The following CMIP variants were observed in gnomAD, a reference collection of about 807,000 sequenced individuals.
CMIP encodes C-Maf-inducing protein.
A neutral mutation model predicts 97.3 loss-of-function variants in CMIP; 13 were observed. The observed-to-expected ratio is 0.13, with a 90% CI of 0.09 to 0.21. The LOEUF is 0.21. CMIP is among the 10% of genes least tolerant of loss of function. The pLI is 1.00. For missense variants in CMIP, 847 were observed against 1,024.9 expected (o/e 0.83, Z 2.37); for synonymous variants, 538 against 436.3 (o/e 1.23, Z -2.91).
At chr16:81,620,306 G>C (rs770895125) in intron 2 of CMIP, 1 of 152,874 alleles carries the variant, frequency 6.5e-6, no homozygotes, top group Non-Finnish European at 1.5e-5. Context: ...AGAAGGTCAT[G>C]GTTAAATGCC....
At chr16:81,545,786 C>T (rs764241117) in intron 1 of CMIP, among the ~76,000 whole-genome samples, 17 of 152,250 alleles carry the variant, frequency 1.1e-4, no homozygotes, top group Non-Finnish European at 1.5e-4. Context: ...GCCTTCCTGC[C>T]GGCCCTCCCG....
At chr16:81,634,219 A>T (rs1187979931) in intron 3 of CMIP, among the ~76,000 whole-genome samples, 3 of 152,272 alleles carry the variant, frequency 2.0e-5, no homozygotes, top group Non-Finnish European at 2.9e-5. Flanking sequence ...GAAAGGGGAA[A>T]GAACAATAAA....
chr16:81,495,494 G>A, intron 1 of CMIP: 1 of 1,613,116 alleles, frequency 6.2e-7, no homozygotes, highest in Middle Eastern at 1.7e-4. Context: ...AGGCTGCTGA[G>A]GTACAGTCCC....
At chr16:81,630,148 C>T (rs189079037) in intron 3 of CMIP, 4 of 152,256 alleles carry the variant, frequency 2.6e-5, no homozygotes, top group African/African-American at 7.2e-5. Flanking sequence ...ACCAAGCTCA[C>T]CAGTTTCTTA....
chr16:81,523,244 TGCA>T (rs1407251396), intron 1 of CMIP, among the ~76,000 whole-genome samples: 1 of 152,252 alleles, frequency 6.6e-6, no homozygotes, highest in African/African-American at 2.4e-5. Context: ...AAAGTTCCCT[TGCA>T]GCTTGCCTTT....
At chr16:81,536,614 GTGGACACCTGGTTCA>G (rs1436417349) in intron 1 of CMIP, among the ~76,000 whole-genome samples, 1 of 152,128 alleles carries the variant, frequency 6.6e-6, no homozygotes, top group Non-Finnish European at 1.5e-5. Context: ...GCTACCTCAG[GTGGACACCTGGTTCA>G]TGACCTTTGA....
chr16:81,667,787 AGAGAGAGAGAGAGTGTGT>A (rs1287218035), intron 7 of CMIP, among the ~76,000 whole-genome samples: 631 of 125,690 alleles, frequency 5.0e-3, no homozygotes, highest in East Asian at 0.01. Flanking sequence ...AGAGAGAGAG[AGAGAGAGAGAGAGTGTGT>A]GTGTGTGTGT....
chr16:81,645,667 G>A, intron 3 of CMIP: 2 of 1,508,488 alleles, frequency 1.3e-6, no homozygotes, highest in Admixed American at 2.0e-5. Flanking sequence ...TGCCAGACGG[G>A]AAGCAGGAGG....
intron 1 of CMIP, among the ~76,000 whole-genome samples, chr16:81,543,006 A>T (rs1040359404): frequency 2.0e-5 from 3 of 152,168 alleles, no homozygotes; most frequent in Admixed American, 1.3e-4. Flanking sequence ...CCCCAGGCCT[A>T]GCGAGAGGCC....
At chr16:81,663,665 C>G (rs1210774418) in intron 6 of CMIP, among the ~76,000 whole-genome samples, 2 of 152,188 alleles carry the variant, frequency 1.3e-5, no homozygotes, top group East Asian at 1.9e-4. Flanking sequence ...TGGGGTTCTC[C>G]ATTGTAACAA....
chr16:81,556,437 A>G (rs1427688626), intron 1 of CMIP, among the ~76,000 whole-genome samples: 2 of 152,092 alleles, frequency 1.3e-5, no homozygotes, highest in African/African-American at 2.4e-5. Context: ...ACTTGGCTGC[A>G]CCCTTTTATA....
intron 8 of CMIP, among the ~76,000 whole-genome samples, chr16:81,671,277 C>T (rs1317567460): frequency 1.3e-5 from 2 of 152,286 alleles, no homozygotes; most frequent in South Asian, 2.1e-4. Flanking sequence ...TGACACCACC[C>T]AGTTGTGGTT....
intron 9 of CMIP, among the ~76,000 whole-genome samples, chr16:81,675,608 G>C (rs1481953921): frequency 6.6e-6 from 1 of 152,124 alleles, no homozygotes; most frequent in Admixed American, 6.5e-5. Flanking sequence ...AACATTTCTG[G>C]GGTATGGCCC....
chr16:81,657,361 T>TG (rs1828163359), intron 4 of CMIP, among the ~76,000 whole-genome samples: 2 of 152,336 alleles, frequency 1.3e-5, no homozygotes, highest in East Asian at 3.9e-4. Flanking sequence ...TTAGGACTCT[T>TG]GAAAGGTCTG....
At chr16:81,560,987 C>A (rs764210851) in intron 1 of CMIP, among the ~76,000 whole-genome samples, 4 of 152,176 alleles carry the variant, frequency 2.6e-5, no homozygotes, top group Admixed American at 6.5e-5. Flanking sequence ...TGGAGACAGT[C>A]TCCGTCACCC....
Position 81,640,770 on chromosome 16 carries a change from G to GTGTGTGTGTGTGTGTGTCTC in CMIP, c.478-11432_478-11431insGTGTGTGTGTGTGTGTCTCT, listed in dbSNP as rs376370488. ...TGTGTGTGTGTGTGTGTGTGTGTGT[G>GTGTGTGTGTGTGTGTGTCTC]TCTCTCTCTCTCTCCACATGGCCTT... On this transcript the variant is annotated intron_variant, in intron 3 of 20. Transcript: ENST00000537098. Among the ~76,000 whole-genome samples, 1,046 of 135,638 alleles carry GTGTGTGTGTGTGTGTGTCTC rather than the reference G, an allele frequency of 7.7e-3. 9 individuals carry two copies. The highest frequency in any genetic ancestry group is 0.024 in the African/African-American group (858 of 35,784). 89.0% of individuals were successfully genotyped at this position (135,638 alleles called of 152,430 possible). A position where few individuals can be genotyped will look rare whatever the true frequency, so the allele number is the denominator to read the frequency against.
chr16:81,708,469 G>A (rs1345704161), intron 20 of CMIP, among the ~76,000 whole-genome samples: 4 of 152,246 alleles, frequency 2.6e-5, no homozygotes, highest in Non-Finnish European at 4.4e-5. Flanking sequence ...AGAGAACATG[G>A]GGAGTGCAGG....
At chr16:81,624,967 T>C (rs1019801736) in intron 3 of CMIP, among the ~76,000 whole-genome samples, 2 of 152,238 alleles carry the variant, frequency 1.3e-5, no homozygotes, top group African/African-American at 4.8e-5. Flanking sequence ...CAATGGACAC[T>C]GCATTTTGTG....
chr16:81,562,015 C>T (rs2150874025), intron 1 of CMIP, among the ~76,000 whole-genome samples: 1 of 152,208 alleles, frequency 6.6e-6, no homozygotes, highest in East Asian at 1.9e-4. Flanking sequence ...TGACAGTGGT[C>T]GGACTCAGGA....
Sources: gnomAD v4.1 joint callset for allele counts (sites outside exome capture counted in the v4.1 genomes callset) on GRCh38, gnomAD v4.1.1 for gene constraint, MANE v1.5 for transcripts, NCBI Gene and HGNC (gene_info 2026-07-23, HGNC 2026-07-21) for gene names.